TMEM132B: variants seen among roughly 807,000 people sequenced by gnomAD.
TMEM132B encodes the protein transmembrane protein 132B.
Under a neutral mutation model 90.8 loss-of-function variants are expected in TMEM132B, and 18 were observed. The ratio of observed to expected loss-of-function variants is 0.20; its 90% CI spans 0.14 to 0.29. The LOEUF is 0.29. TMEM132B is among the 10% of genes least tolerant of loss of function. The pLI is 1.00. For missense variants in TMEM132B, 1,096 were observed against 1,326.8 expected (o/e 0.83, Z 2.70); for synonymous variants, 504 against 523.3 (o/e 0.96, Z 0.50).
chr12:125,300,095 A>G (rs1229746691), intron 1 of TMEM132B, among the ~76,000 whole-genome samples: 1 of 151,938 alleles, frequency 6.6e-6, no homozygotes. Flanking sequence ...CTTCCCCCAG[A>G]TACCTCCAGG....
At chr12:125,475,148 A>C (rs1295187563) in intron 3 of TMEM132B, among the ~76,000 whole-genome samples, 4 of 152,066 alleles carry the variant, frequency 2.6e-5, no homozygotes, top group African/African-American at 9.7e-5. Flanking sequence ...AATTTGAATA[A>C]ATTAGAAGTG....
At chr12:125,405,035 A>G (rs1348350516) in intron 2 of TMEM132B, among the ~76,000 whole-genome samples, 1 of 152,020 alleles carries the variant, frequency 6.6e-6, no homozygotes, top group African/African-American at 2.4e-5. Flanking sequence ...AGCTCACTTA[A>G]CCCTTGCAGC....
At chr12:125,218,216 G>T (rs539731547) in intron 1 of TMEM132B, among the ~76,000 whole-genome samples, 1 of 152,168 alleles carries the variant, frequency 6.6e-6, no homozygotes, top group South Asian at 2.1e-4. Context: ...GGGATGGGAG[G>T]TGATAATGTT....
chr12:125,589,422 C>T (rs1303216236), intron 5 of TMEM132B, among the ~76,000 whole-genome samples: 1 of 130,444 alleles, frequency 7.7e-6, no homozygotes. Flanking sequence ...GCGGAGCTTG[C>T]AGTGAGCCAA....
intron 1 of TMEM132B, among the ~76,000 whole-genome samples, chr12:125,273,155 C>T (rs921029970): frequency 6.6e-6 from 1 of 152,128 alleles, no homozygotes; most frequent in Non-Finnish European, 1.5e-5. Context: ...TTTGAACACA[C>T]ATATATCTCT....
chr12:125,549,761 C>G (rs899109125), intron 4 of TMEM132B, among the ~76,000 whole-genome samples: 18 of 152,190 alleles, frequency 1.2e-4, no homozygotes, highest in African/African-American at 4.3e-4. Context: ...AACCCTTTAT[C>G]AAGCCTTTCA....
At chr12:125,612,565 AATATATATAAAATATATATTATAT>A (rs1885860612) in intron 5 of TMEM132B, among the ~76,000 whole-genome samples, 1 of 146,114 alleles carries the variant, frequency 6.8e-6, no homozygotes, top group African/African-American at 2.5e-5. Flanking sequence ...ATATATATAT[AATATATATAAAATATATATTATAT>A]ATATACTTCA....
At chr12:125,609,496 G>A (rs1885773833) in intron 5 of TMEM132B, among the ~76,000 whole-genome samples, 1 of 151,846 alleles carries the variant, frequency 6.6e-6, no homozygotes, top group South Asian at 2.1e-4. Flanking sequence ...ATTTTTTTGG[G>A]GGGTGGTATT....
At position 125,582,493 on chromosome 12, in the gene TMEM132B, T is replaced by G. The variant is rs557700101; in HGVS notation, c.1294-1358T>G. 1.3e-4 allele frequency among the ~76,000 whole-genome samples: 20 copies of G among 152,218 alleles called. No homozygotes were observed. The South Asian group carries it at 4.2e-3, about 32-fold the overall frequency. Reference sequence around the variant, plus strand: ...GGGAGACACTGAAATAATTATCTAGTTGGATCATTCTAGTGAGGCCAATTA... The same window carrying G: ...GGGAGACACTGAAATAATTATCTAGGTGGATCATTCTAGTGAGGCCAATTA... On this transcript the variant is annotated intron_variant, in intron 4 of 8. Coordinates refer to ENST00000682704, the MANE Select transcript of TMEM132B (RefSeq NM_001366854.1).
chr12:125,575,900 A>C (rs542649466), intron 4 of TMEM132B, among the ~76,000 whole-genome samples: 3 of 152,100 alleles, frequency 2.0e-5, no homozygotes, highest in Non-Finnish European at 4.4e-5. Flanking sequence ...TGGAAAGTCA[A>C]TTCTAATCAG....
In TMEM132B at chr12:125,653,558, T is replaced by G; in HGVS notation, c.2107-7T>G. On this transcript the variant is annotated splice_region_variant and splice_polypyrimidine_tract_variant and intron_variant, in intron 8 of 8. Transcript: ENST00000682704. ...ATAACATAATGCTTTGGTTTCATTT[T>G]CCTCAGGAAGCAATAGTAAGTTCTT... 4 of 1,595,230 alleles carry G rather than the reference T, an allele frequency of 2.5e-6. No individual in the cohort carries two copies. The highest frequency in any genetic ancestry group is 3.4e-6 in the Non-Finnish European group (4 of 1,166,964).
intron 1 of TMEM132B, among the ~76,000 whole-genome samples, chr12:125,343,520 C>A (rs1422215542): frequency 1.3e-5 from 2 of 151,814 alleles, no homozygotes; most frequent in African/African-American, 2.4e-5. Flanking sequence ...AACTGCCAGG[C>A]CAGGTAGGCC....
At chr12:125,228,722 C>G (rs1873741426) in intron 1 of TMEM132B, among the ~76,000 whole-genome samples, 1 of 152,202 alleles carries the variant, frequency 6.6e-6, no homozygotes, top group Non-Finnish European at 1.5e-5. Context: ...GGCCGACCCC[C>G]TGTTGGCTGC....
chr12:125,197,465 C>T (rs1423366364), intron 1 of TMEM132B, among the ~76,000 whole-genome samples: 1 of 152,154 alleles, frequency 6.6e-6, no homozygotes, highest in Admixed American at 6.6e-5. Context: ...CCCTTTAATC[C>T]AGGCATCAGC....
intron 3 of TMEM132B, among the ~76,000 whole-genome samples, chr12:125,419,395 A>G (rs564666883): frequency 6.6e-6 from 1 of 152,334 alleles, no homozygotes; most frequent in Non-Finnish European, 1.5e-5. Context: ...GAAGGCGAAT[A>G]AGGAGCAAAG....
intron 3 of TMEM132B, among the ~76,000 whole-genome samples, chr12:125,435,543 GC>G: frequency 6.6e-6 from 1 of 152,302 alleles, no homozygotes; most frequent in African/African-American, 2.4e-5. Flanking sequence ...GTATTACAGA[GC>G]CCTCCCAAGA....
Position 125,471,791 on chromosome 12 carries a change from TG to T in TMEM132B, c.1107-47647del, listed in dbSNP as rs1264639546. Among the ~76,000 whole-genome samples the T allele has an allele frequency of 2.6e-5, 4 of 152,190 alleles. No homozygotes were observed. In the East Asian group the frequency reaches 7.7e-4, roughly 29 times the overall value. On this transcript the variant is annotated intron_variant, in intron 3 of 8. Coordinates refer to ENST00000682704, the MANE Select transcript of TMEM132B (RefSeq NM_001366854.1). The stretch of plus-strand genomic sequence containing the variant: ...TATGTGGTCTCATTCATCCTCAAAA[TG>T]TCCTGCTGAAGCTGGCATTATTATG...
intron 2 of TMEM132B, among the ~76,000 whole-genome samples, chr12:125,351,745 C>T (rs541003701): frequency 6.6e-6 from 1 of 152,308 alleles, no homozygotes; most frequent in East Asian, 1.9e-4. Flanking sequence ...GCAACTAAAA[C>T]CCCTGAGAAG....
intron 3 of TMEM132B, among the ~76,000 whole-genome samples, chr12:125,513,751 T>C (rs1323221575): frequency 6.6e-6 from 1 of 152,234 alleles, no homozygotes; most frequent in Non-Finnish European, 1.5e-5. Flanking sequence ...TGTCTTCTGT[T>C]GTAATTTATA....
Sources: allele counts gnomAD v4.1 joint callset (sites outside exome capture counted in the v4.1 genomes callset), GRCh38; gene constraint gnomAD v4.1.1; transcripts MANE v1.5; gene names NCBI Gene and HGNC (gene_info 2026-07-23, HGNC 2026-07-21).